DGKZ: variants seen among roughly 807,000 people sequenced by gnomAD.
DGKZ encodes the protein DAG kinase zeta.
A neutral mutation model predicts 142.5 loss-of-function variants in DGKZ; 45 were observed. That is an observed-to-expected ratio of 0.32 (90% CI 0.25 to 0.40). The LOEUF (loss-of-function observed/expected upper bound fraction) is 0.40. DGKZ is among the 10% of genes least tolerant of loss of function. The pLI is 1.00. For missense variants in DGKZ, 755 were observed against 1,306.5 expected (o/e 0.58, Z 6.51); for synonymous variants, 442 against 527.0 (o/e 0.84, Z 2.21).
chr11:46,345,630 C>T, upstream of DGKZ: 1 of 1,458,266 alleles, frequency 6.9e-7, no homozygotes, highest in Non-Finnish European at 9.0e-7. The surrounding 1 kb of genome is among the most constrained non-coding windows in gnomAD (Gnocchi z 4.1). Flanking sequence ...GACCTCTGTC[C>T]CTCTATGAGC....
At chr11:46,346,937 G>A (rs926123908), upstream of DGKZ, among the ~76,000 whole-genome samples, 1 of 152,192 alleles carries the variant, frequency 6.6e-6, no homozygotes, top group Admixed American at 6.5e-5. Context: ...CGAGAGGCTG[G>A]GGTGGGAAGT....
chr11:46,376,443 AG>A (rs1232396406), intron 23 of DGKZ, 46 bp downstream of exon 23: 1 of 1,613,382 alleles, frequency 6.2e-7, no homozygotes, highest in South Asian at 1.1e-5. Flanking sequence ...TTCCCTCCCT[AG>A]GGGATCCCAG....
Position 46,367,635 on chromosome 11 carries a change from GC to G in DGKZ, c.271-14del, listed in dbSNP as rs769625241. 269 of 1,587,610 alleles carry G rather than the reference GC, an allele frequency of 1.7e-4. 2 individuals carry two copies. The Middle Eastern group carries it at 1.8e-3, about 11-fold the overall frequency. ...TGGGCGGCCAGCGTGTGCTGAGCAA[GC>G]CCATCCCGTGGCTAGGAGTCAGCGA... On this transcript the variant is annotated splice_polypyrimidine_tract_variant and intron_variant, in intron 2 of 30. Transcript: ENST00000527911. The surrounding 1 kb of genome is among the most constrained non-coding windows in gnomAD (Gnocchi z 4.1).
chr11:46,369,322 G>C (rs1943684756), intron 4 of DGKZ, 172 bp from the exon 5 acceptor site: 1 of 721,340 alleles, frequency 1.4e-6, no homozygotes, highest in Admixed American at 2.0e-5. Context: ...AGGAGGCAGA[G>C]AGGCAGGAGG....
chr11:46,342,628 G>C (rs527635249), upstream of DGKZ, among the ~76,000 whole-genome samples: 1 of 24,136 alleles, frequency 4.1e-5, no homozygotes, highest in South Asian at 2.2e-3. Context: ...GAGATAATGG[G>C]TTGGAGAGGA....
chr11:46,345,414 G>A, upstream of DGKZ: 1 of 1,437,806 alleles, frequency 7.0e-7, no homozygotes, highest in East Asian at 3.0e-5. This position sits in a 1 kb window ranked among gnomAD's most constrained non-coding sequence, Gnocchi z 4.1. Flanking sequence ...GGCAGGATGA[G>A]CGCACCGGGG....
rs1176486885 is a variant in DGKZ, at chr11:46,372,215, G to C, written c.927+45G>C. On this transcript the variant is annotated intron_variant, in intron 10 of 30. Coordinates refer to ENST00000527911, the Ensembl canonical transcript of DGKZ. The surrounding 1 kb of genome is among the most constrained non-coding windows in gnomAD (Gnocchi z 5.9). Reference sequence around the variant, plus strand: ...TCAGCTAAGGGCTCGGGCGGGGGTTGGGGTCCAGCCCGTCTGCCAGCAGCT... The same window carrying C: ...TCAGCTAAGGGCTCGGGCGGGGGTTCGGGTCCAGCCCGTCTGCCAGCAGCT... 1 of 1,520,474 alleles carries C rather than the reference G, an allele frequency of 6.6e-7. No homozygotes were observed. Among genetic ancestry groups the C allele is most frequent in the South Asian group, 1.2e-5 (1 of 81,950 alleles). 94.2% of individuals were successfully genotyped at this position (1,520,474 alleles called of 1,614,324 possible).
chr11:46,356,587 G>T (rs1044294773), intron 1 of DGKZ, among the ~76,000 whole-genome samples: 4 of 152,098 alleles, frequency 2.6e-5, no homozygotes, highest in Admixed American at 2.0e-4. Context: ...GAGGGGAGTG[G>T]TATTCCAGGT....
At chr11:46,376,638 CTGTTA>C in intron 24 of DGKZ, 74 bp downstream of exon 24, 1 of 1,581,554 alleles carries the variant, frequency 6.3e-7, no homozygotes, top group Non-Finnish European at 8.6e-7. Flanking sequence ...GACGCCTTCC[CTGTTA>C]GCTCCCCCGA....
chr11:46,376,694 A>G (rs947230903), intron 24 of DGKZ, 130 bp downstream of exon 24: 6 of 1,264,386 alleles, frequency 4.7e-6, no homozygotes, highest in South Asian at 1.3e-5. Flanking sequence ...AGCTTTTACT[A>G]TTGCCTGTGT....
In DGKZ at chr11:46,367,602, G is replaced by C; in HGVS notation, c.271-50G>C. 6.5e-7 allele frequency: 1 copy of C among 1,538,002 alleles called. No individual in the cohort carries two copies. The highest frequency in any genetic ancestry group is 1.2e-5 in the South Asian group (1 of 80,296). On this transcript the variant is annotated intron_variant, in intron 2 of 30. Transcript: ENST00000527911. The surrounding 1 kb of genome is among the most constrained non-coding windows in gnomAD (Gnocchi z 4.1). Reference sequence around the variant, plus strand: ...GGCGGGTGGGCGGGGGCTGATGGGAGGGAGGGCTGGGCGGCCAGCGTGTGC... The same window carrying C: ...GGCGGGTGGGCGGGGGCTGATGGGACGGAGGGCTGGGCGGCCAGCGTGTGC...
upstream of DGKZ, among the ~76,000 whole-genome samples, chr11:46,343,349 A>T (rs1019980382): frequency 6.6e-6 from 1 of 152,220 alleles, no homozygotes; most frequent in Non-Finnish European, 1.5e-5. Flanking sequence ...TGTTCCCATC[A>T]TGAGGGACAC....
rs115107241 is a variant in DGKZ at position 46,372,659 on chromosome 11, G to A, written c.1053G>A (p.Ala351=). The A allele has an allele frequency of 2.7e-5, 44 of 1,613,476 alleles. No homozygotes were observed. The highest frequency in any genetic ancestry group is 3.3e-4 in the Middle Eastern group (2 of 6,062). ...AAGTGCACAACCTGCGGATCCTGGC[G>A]TGCGGGGGCGACGGCACGGTGAGCT... is the stretch of plus-strand genomic sequence containing the variant. The change falls in exon 12 of 31, where the codon GCG becomes GCA. Residue 351 remains alanine (A), a synonymous_variant. Coordinates refer to ENST00000527911, the Ensembl canonical transcript of DGKZ. This position sits in a 1 kb window ranked among gnomAD's most constrained non-coding sequence, Gnocchi z 5.9.
intron 19 of DGKZ, 53 bp from the exon 20 acceptor site, chr11:46,375,379 C>T (rs1400414043): frequency 2.0e-6 from 3 of 1,497,008 alleles, no homozygotes; most frequent in Non-Finnish European, 2.7e-6. Context: ...GAGTCTGGGA[C>T]CCCCCTGCCC....
chr11:46,335,465 G>A (rs978743026), intron 1 of DGKZ, among the ~76,000 whole-genome samples: 15 of 152,082 alleles, frequency 9.9e-5, no homozygotes, highest in African/African-American at 3.6e-4. Flanking sequence ...GCACACAGCG[G>A]CAAGGGCTGG....
At chr11:46,345,077 G>A (rs1029850442), upstream of DGKZ, among the ~76,000 whole-genome samples, 3 of 152,212 alleles carry the variant, frequency 2.0e-5, no homozygotes, top group Non-Finnish European at 4.4e-5. This position sits in a 1 kb window ranked among gnomAD's most constrained non-coding sequence, Gnocchi z 4.1. Context: ...CATTGTACCT[G>A]GTGGTTGTCA....
intron 1 of DGKZ, among the ~76,000 whole-genome samples, chr11:46,352,481 C>A (rs1410624499): frequency 2.0e-5 from 3 of 152,208 alleles, no homozygotes; most frequent in African/African-American, 4.8e-5. Flanking sequence ...GCCTCCTGGC[C>A]CCACCCCTCC....
rs182992126 is a variant in DGKZ, at chr11:46,357,065, G to T, written c.161+9245G>T. ...TGCTTTAGGATGAATTCTGATGGCA[G>T]CGGGAGTCTGGCTTGGAGGGAGGCA... On this transcript the variant is annotated intron_variant, in intron 1 of 30. Transcript: ENST00000527911. 2.0e-4 allele frequency among the ~76,000 whole-genome samples: 31 copies of T among 152,308 alleles called. No individual in the cohort carries two copies. In the South Asian group the frequency reaches 2.1e-3, roughly 10 times the overall value.
upstream of DGKZ, chr11:46,345,562 C>T: frequency 6.5e-7 from 1 of 1,528,370 alleles, no homozygotes; most frequent in Non-Finnish European, 8.8e-7. The surrounding 1 kb of genome is among the most constrained non-coding windows in gnomAD (Gnocchi z 4.1). Context: ...TGCCACAGAT[C>T]CCATCAGAGG....
Sources: allele counts gnomAD v4.1 joint callset (sites outside exome capture counted in the v4.1 genomes callset), GRCh38; gene constraint gnomAD v4.1.1; non-coding constraint Gnocchi (gnomAD v3.1); transcripts MANE v1.5; gene names NCBI Gene and HGNC (gene_info 2026-07-23, HGNC 2026-07-21).